KCNH7: variants seen among roughly 807,000 people sequenced by gnomAD.
The protein encoded by KCNH7 is potassium voltage-gated channel subfamily H member 7.
KCNH7 carries 49 observed loss-of-function variants against 120.8 expected under a neutral mutation model. That is an observed-to-expected ratio of 0.41 (90% CI 0.32 to 0.51). The LOEUF (loss-of-function observed/expected upper bound fraction) is 0.51. KCNH7 is among the 20% of genes least tolerant of loss of function. KCNH7 has a pLI of 0.38. For synonymous variants in KCNH7, 547 were observed against 516.1 expected, an observed-to-expected ratio of 1.06 and a Z score of -0.81; for missense variants, 1,097 against 1,446.6, an observed-to-expected ratio of 0.76 and a Z score of 3.92.
intron 2 of KCNH7, among the ~76,000 whole-genome samples, chr2:162,800,855 G>A (rs1184758170): frequency 6.6e-6 from 1 of 151,834 alleles, no homozygotes; most frequent in African/African-American, 2.4e-5. Flanking sequence ...CTGTGTTCTT[G>A]TAGTCTTATC....
At position 162,495,104 on chromosome 2, in the gene KCNH7, A is replaced by G. The variant is rs12619877; in HGVS notation, c.1128+9339T>C. On this transcript the variant is annotated intron_variant, in intron 6 of 15. Transcript: ENST00000332142. ...TTGTGAGTATTCTTAACTTACGGCA[A>G]TATATTTATTTGCATCAGTGCAGTA... 0.014 allele frequency among the ~76,000 whole-genome samples: 2,070 copies of G among 152,254 alleles called. 230 individuals are homozygous for G. The East Asian group carries it at 0.29, about 22-fold the overall frequency.
intron 2 of KCNH7, among the ~76,000 whole-genome samples, chr2:162,540,192 A>C (rs1692256244): frequency 6.8e-6 from 1 of 146,094 alleles, no homozygotes; most frequent in Admixed American, 6.7e-5. Flanking sequence ...AAATGAAATT[A>C]ATAATGTTTG....
intron 2 of KCNH7, 146 bp from the exon 3 acceptor site, chr2:162,537,226 A>G (rs1008740970): frequency 5.7e-5 from 36 of 626,178 alleles, no homozygotes; most frequent in Non-Finnish European, 9.1e-5. Context: ...TTTTTACTTC[A>G]TATTTTATTG....
chr2:162,464,199 C>T lies in KCNH7; in HGVS notation c.1129-17756G>A, dbSNP rs189698939. 4.8e-3 allele frequency among the ~76,000 whole-genome samples: 729 copies of T among 152,032 alleles called. 9 individuals carry two copies. Among genetic ancestry groups the T allele is most frequent in the African/African-American group, 0.017 (690 of 41,524 alleles). On this transcript the variant is annotated intron_variant, in intron 6 of 15. Transcript: ENST00000332142. The stretch of plus-strand genomic sequence containing the variant: ...CTTGATGTAGAAGCATAATTTTGTA[C>T]CAGAGATTCATTAGCTTCCTATTTT...
intron 2 of KCNH7, among the ~76,000 whole-genome samples, chr2:162,556,845 C>A (rs1300422504): frequency 6.6e-6 from 1 of 152,324 alleles, no homozygotes; most frequent in South Asian, 2.1e-4. Flanking sequence ...TAAAACCACA[C>A]AGCATTACTA....
At chr2:162,765,900 T>C (rs1682784543) in intron 2 of KCNH7, among the ~76,000 whole-genome samples, 1 of 152,080 alleles carries the variant, frequency 6.6e-6, no homozygotes, top group Non-Finnish European at 1.5e-5. Context: ...TCGGGGACCA[T>C]GCCCCACCAA....
Position 162,701,903 on chromosome 2 carries a change from A to G in KCNH7, c.307+134634T>C, listed in dbSNP as rs903921713. Among the ~76,000 whole-genome samples, 5 of 151,894 alleles carry G rather than the reference A, an allele frequency of 3.3e-5. No homozygotes were observed. In the South Asian group the frequency reaches 8.4e-4, roughly 25 times the overall value. On this transcript the variant is annotated intron_variant, in intron 2 of 15. Coordinates refer to ENST00000332142, the MANE Select transcript of KCNH7 (RefSeq NM_033272.4). ...ATGCCTGTAGTCCCAGCTACTTGGGAGGTTGAGGCAGGAAAATTGCATGAA... is the reference window on the plus strand; with the variant it reads ...ATGCCTGTAGTCCCAGCTACTTGGGGGGTTGAGGCAGGAAAATTGCATGAA...
intron 2 of KCNH7, among the ~76,000 whole-genome samples, chr2:162,670,008 G>A (rs1185696313): frequency 6.6e-6 from 1 of 152,084 alleles, no homozygotes; most frequent in East Asian, 1.9e-4. Context: ...GCTGAGGCAG[G>A]AGAATCACTT....
chr2:162,556,726 T>G (rs1233386683), intron 2 of KCNH7, among the ~76,000 whole-genome samples: 1 of 152,172 alleles, frequency 6.6e-6, no homozygotes, highest in South Asian at 2.1e-4. Flanking sequence ...AAAACAATCT[T>G]TTTTGTCTTC....
intron 2 of KCNH7, among the ~76,000 whole-genome samples, chr2:162,737,786 T>C (rs12618163): frequency 0.021 from 3,232 of 152,116 alleles, 71 homozygotes; most frequent in East Asian, 0.11. Context: ...TGTGAAAGGC[T>C]GGGTGTGGTA....
chr2:162,712,699 C>T (rs71424743), intron 2 of KCNH7, among the ~76,000 whole-genome samples: 3,343 of 152,184 alleles, frequency 0.022, 69 homozygotes, highest in East Asian at 0.12. Flanking sequence ...TACTTTAATA[C>T]TGTTATTTTA....
rs144191066 is a variant in KCNH7 at position 162,437,668 on chromosome 2, C to T, written c.1555-2071G>A. On this transcript the variant is annotated intron_variant, in intron 7 of 15. Coordinates refer to ENST00000332142, the MANE Select transcript of KCNH7 (RefSeq NM_033272.4). The stretch of plus-strand genomic sequence containing the variant: ...CATCTGTGAATACAAATAATAAGGC[C>T]AACCTTACAGAGTTATAGATAATAC... Among the ~76,000 whole-genome samples, 241 of 152,150 alleles carry T rather than the reference C, an allele frequency of 1.6e-3. 1 individual carries two copies. The highest frequency in any genetic ancestry group is 5.5e-3 in the African/African-American group (228 of 41,524).
At position 162,790,524 on chromosome 2, in the gene KCNH7, A is replaced by C. The variant is rs1389361724; in HGVS notation, c.307+46013T>G. On this transcript the variant is annotated intron_variant, in intron 2 of 15. Coordinates refer to ENST00000332142, the MANE Select transcript of KCNH7 (RefSeq NM_033272.4). ...CCTGATACCAAAGCCAGGCAAGGAC[A>C]CTACAAGAAAAAGATTATAAGCCAA... Among the ~76,000 whole-genome samples the C allele has an allele frequency of 2.0e-5, 3 of 152,058 alleles. 1 individual carries two copies. Among genetic ancestry groups the C allele is most frequent in the Non-Finnish European group, 4.4e-5 (3 of 67,952 alleles).
At chr2:162,517,624 T>C (rs1380575661) in intron 4 of KCNH7, 106 bp downstream of exon 4, 2 of 980,548 alleles carry the variant, frequency 2.0e-6, no homozygotes, top group African/African-American at 3.3e-5. Flanking sequence ...TAATCACATT[T>C]CTTTCCCCAA....
chr2:162,668,092 T>G (rs1685208771), intron 2 of KCNH7, among the ~76,000 whole-genome samples: 1 of 152,198 alleles, frequency 6.6e-6, no homozygotes, highest in African/African-American at 2.4e-5. Flanking sequence ...AAGCTCTTAT[T>G]GAATTCTTTT....
At chr2:162,524,440 A>G (rs1691633462) in intron 3 of KCNH7, among the ~76,000 whole-genome samples, 1 of 152,020 alleles carries the variant, frequency 6.6e-6, no homozygotes, top group Admixed American at 6.6e-5. Context: ...GGGCTGTCTC[A>G]GCCCTAAGGA....
intron 2 of KCNH7, among the ~76,000 whole-genome samples, chr2:162,567,691 G>A (rs181680302): frequency 6.6e-6 from 1 of 152,030 alleles, no homozygotes; most frequent in African/African-American, 2.4e-5. Context: ...ATAGTGCCTG[G>A]CACACAGTAA....
At chr2:162,520,645 T>C (rs1691490151) in intron 3 of KCNH7, among the ~76,000 whole-genome samples, 2 of 151,760 alleles carry the variant, frequency 1.3e-5, no homozygotes, top group South Asian at 4.2e-4. Context: ...GGCATATGCC[T>C]GTAGTCCGAG....
intron 2 of KCNH7, among the ~76,000 whole-genome samples, chr2:162,835,654 GAATA>G (rs112142921): frequency 0.026 from 3,915 of 151,620 alleles, 161 homozygotes; most frequent in African/African-American, 0.089. Flanking sequence ...AGATATTCAG[GAATA>G]TATATCTATA....
Sources: gnomAD v4.1 joint callset for allele counts (sites outside exome capture counted in the v4.1 genomes callset) on GRCh38, gnomAD v4.1.1 for gene constraint, MANE v1.5 for transcripts, NCBI Gene and HGNC (gene_info 2026-07-23, HGNC 2026-07-21) for gene names.